RHBDF2: variants seen among roughly 807,000 people sequenced by gnomAD.
RHBDF2 encodes rhomboid 5 homolog 2.
Under a neutral mutation model 95.2 loss-of-function variants are expected in RHBDF2, and 38 were observed. The ratio of observed to expected loss-of-function variants is 0.40; its 90% confidence interval spans 0.31 to 0.52. The LOEUF is 0.52. Ranked by LOEUF, RHBDF2 falls within the 20% of genes least tolerant of loss-of-function variation. The pLI is 0.56. For synonymous variants in RHBDF2, 442 were observed against 462.0 expected (o/e 0.96, Z 0.55); for missense variants, 863 against 1,137.7 (o/e 0.76, Z 3.47).
intron 11 of RHBDF2, 63 bp from the exon 12 acceptor site, chr17:76,474,597 AC>A (rs1301804354): frequency 1.2e-6 from 2 of 1,609,116 alleles, no homozygotes; most frequent in Non-Finnish European, 1.7e-6. Flanking sequence ...GGGGTCCATC[AC>A]TCCACCTCTG....
intron 3 of RHBDF2, 132 bp from the exon 4 acceptor site, chr17:76,479,986 A>T: frequency 8.8e-7 from 1 of 1,138,066 alleles, no homozygotes; most frequent in South Asian, 1.6e-5. Flanking sequence ...ATTTGCTTTC[A>T]TTTGGAAATA....
intron 2 of RHBDF2, among the ~76,000 whole-genome samples, chr17:76,486,394 T>C (rs8068336): frequency 0.94 from 142,513 of 152,092 alleles, 67,506 homozygotes; most frequent in East Asian, 1. Flanking sequence ...TGTGAGCCAC[T>C]GTGCCCAGCC....
chr17:76,477,378 A>T, intron 7 of RHBDF2, 80 bp from the exon 8 acceptor site: 1 of 1,468,120 alleles, frequency 6.8e-7, no homozygotes, highest in Non-Finnish European at 9.2e-7. Context: ...CAAGGGCAGG[A>T]CACAGCTGAA....
At chr17:76,498,789 A>AGTGTGTGTGTGTGT (rs60130089) in intron 1 of RHBDF2, among the ~76,000 whole-genome samples, 8,097 of 143,608 alleles carry the variant, frequency 0.056, 286 homozygotes, top group East Asian at 0.077. Context: ...AGAGAAAGAG[A>AGTGTGTGTGTGTGT]GTGTGTGTGT....
chr17:76,498,712 A>T (rs2074492505), intron 1 of RHBDF2, among the ~76,000 whole-genome samples: 1 of 152,058 alleles, frequency 6.6e-6, no homozygotes, highest in East Asian at 1.9e-4. Context: ...CAAGTGCGTC[A>T]CCCAAAGCAT....
chr17:76,495,239 G>C (rs2074403832), intron 1 of RHBDF2, among the ~76,000 whole-genome samples: 1 of 152,248 alleles, frequency 6.6e-6, no homozygotes. Context: ...CTGTGTGAGA[G>C]GTCCGTTTCA....
At position 76,471,356 on chromosome 17, in the gene RHBDF2, T is replaced by G; in HGVS notation, c.*277A>C. ...GATGGTCTCAGCAAGGAGCGGGATA[T>G]TAGGAACTGAGACCCAAGACTCAGA... On this transcript the variant is annotated 3_prime_UTR_variant, in exon 19 of 19. Coordinates refer to ENST00000675367, the MANE Select transcript of RHBDF2 (RefSeq NM_001005498.4). 2.2e-6 allele frequency: 1 copy of G among 455,772 alleles called. No homozygotes were observed. Among genetic ancestry groups the G allele is most frequent in the African/African-American group, 1.9e-5 (1 of 51,420 alleles). 28.2% of individuals were successfully genotyped at this position (455,772 alleles called of 1,614,324 possible).
chr17:76,490,187 T>C (rs527236271), intron 1 of RHBDF2, among the ~76,000 whole-genome samples: 21 of 152,318 alleles, frequency 1.4e-4, no homozygotes, highest in African/African-American at 3.8e-4. Flanking sequence ...AGGAGAAATC[T>C]TGAGGCGGAG....
At chr17:76,475,360 C>T (rs1452141841) in intron 9 of RHBDF2, among the ~76,000 whole-genome samples, 1 of 152,198 alleles carries the variant, frequency 6.6e-6, no homozygotes. Flanking sequence ...GGGACAAATT[C>T]CAGAATCACC....
rs1158918577 is a variant in RHBDF2, at chr17:76,481,504, A to G, written c.21T>C (p.Asn7=). The G allele has an allele frequency of 1.2e-6, 2 of 1,610,592 alleles. No homozygotes were observed. The highest frequency in any genetic ancestry group is 3.3e-5 in the Admixed American group (2 of 59,974). MASADK[N]GGSVSSVSSS... ...TGGACACAGAGGACACGCTCCCGCC[A>G]TTCTTGTCAGCAGAGGCCATTGTGG... The change falls in exon 3 of 19, where the codon AAT becomes AAC. Residue 7 remains asparagine (N), a synonymous_variant. Coordinates refer to ENST00000675367, the MANE Select transcript of RHBDF2 (RefSeq NM_001005498.4).
intron 9 of RHBDF2, 70 bp downstream of exon 9, chr17:76,476,760 C>A (rs987026888): frequency 1.3e-5 from 19 of 1,483,012 alleles, no homozygotes; most frequent in African/African-American, 5.6e-5. Flanking sequence ...AGTAAGGGGG[C>A]GCTTCAGGAG....
At chr17:76,472,560 C>T in intron 18 of RHBDF2, 126 bp downstream of exon 18, 1 of 1,237,772 alleles carries the variant, frequency 8.1e-7, no homozygotes, top group Non-Finnish European at 1.2e-6. Context: ...GATTAGCTGT[C>T]CCTCCGCTGT....
intron 13 of RHBDF2, 34 bp from the exon 14 acceptor site, chr17:76,473,936 C>T (rs1411071660): frequency 6.2e-7 from 1 of 1,612,168 alleles, no homozygotes; most frequent in Non-Finnish European, 8.5e-7. Flanking sequence ...CTGTGGCACA[C>T]CCAGCGTGCC....
chr17:76,477,404 C>T lies in RHBDF2; in HGVS notation c.802-106G>A, dbSNP rs991868340. ...CACAGCTGAACAGACGGGCTCTTCA[C>T]AATGAATTGGGAAGCCACATGCCCG... is the stretch of plus-strand genomic sequence containing the variant. On this transcript the variant is annotated intron_variant, in intron 7 of 18. Coordinates refer to ENST00000675367, the MANE Select transcript of RHBDF2 (RefSeq NM_001005498.4). The T allele has an allele frequency of 1.3e-5, 18 of 1,387,556 alleles. No individual in the cohort carries two copies. The African/African-American group carries it at 2.1e-4, about 17-fold the overall frequency. The allele number at this position is 1,387,556 out of a possible 1,614,324, so 86.0% of individuals were successfully genotyped here. A position where few individuals can be genotyped will look rare whatever the true frequency, so the allele number is the denominator to read the frequency against.
chr17:76,479,580 CATG>C (rs2073884966), intron 4 of RHBDF2, 150 bp downstream of exon 4: 1 of 728,078 alleles, frequency 1.4e-6, no homozygotes, highest in Non-Finnish European at 2.4e-6. Flanking sequence ...CCATCTATAC[CATG>C]ATAATAGGCC....
chr17:76,498,789 A>AGTGTGTGTGTGTGTGT lies in RHBDF2; in HGVS notation c.-220+2548_-220+2563dup, dbSNP rs60130089. Among the ~76,000 whole-genome samples, 1,240 of 143,750 alleles carry AGTGTGTGTGTGTGTGT rather than the reference A, an allele frequency of 8.6e-3. 7 individuals carry two copies. Among genetic ancestry groups the AGTGTGTGTGTGTGTGT allele is most frequent in the East Asian group, 0.03 (139 of 4,606 alleles). 94.3% of individuals were successfully genotyped at this position (143,750 alleles called of 152,430 possible). Reference sequence around the variant, plus strand: ...CCCCTCCTGGGCTGGAGAGAAAGAGAGTGTGTGTGTGTGTGTGTGTGTGTG... The same window carrying AGTGTGTGTGTGTGTGT: ...CCCCTCCTGGGCTGGAGAGAAAGAGAGTGTGTGTGTGTGTGTGTGTGTGTGTGTGTGTGTGTGTGTG... On this transcript the variant is annotated intron_variant, in intron 1 of 18. Coordinates refer to ENST00000675367, the MANE Select transcript of RHBDF2 (RefSeq NM_001005498.4).
intron 1 of RHBDF2, among the ~76,000 whole-genome samples, chr17:76,498,407 C>G (rs2074483237): frequency 6.6e-6 from 1 of 152,240 alleles, no homozygotes; most frequent in South Asian, 2.1e-4. Context: ...GCACAGAGAT[C>G]TGAGGAGAGT....
rs1230869064 is a variant in RHBDF2, at chr17:76,479,253, G to A, written c.297C>T (p.Val99=). The A allele has an allele frequency of 6.9e-6, 11 of 1,604,998 alleles. No individual in the cohort carries two copies. Among genetic ancestry groups the A allele is most frequent in the Non-Finnish European group, 9.3e-6 (11 of 1,178,934 alleles). ...IRKGAAQWFG[V]SGDWEGQRQQ... is the part of the protein sequence containing the mutation. Reference sequence around the variant, plus strand: ...GCCGCTGCCCCTCCCAGTCGCCGCTGACTCCAAACCACTGGGCTGCGCCCC... The same window carrying A: ...GCCGCTGCCCCTCCCAGTCGCCGCTAACTCCAAACCACTGGGCTGCGCCCC... Residue 99 remains valine, a synonymous_variant, in exon 5 of 19, where the codon GTC becomes GTT. Transcript: ENST00000675367.
intron 1 of RHBDF2, among the ~76,000 whole-genome samples, chr17:76,492,836 G>A (rs2144403576): frequency 6.6e-6 from 1 of 152,330 alleles, no homozygotes; most frequent in African/African-American, 2.4e-5. Context: ...GCCTGCGTGT[G>A]GCCAGAAATG....
Sources: allele counts gnomAD v4.1 joint callset (sites outside exome capture counted in the v4.1 genomes callset), GRCh38; gene constraint gnomAD v4.1.1; transcripts MANE v1.5; gene names NCBI Gene and HGNC (gene_info 2026-07-23, HGNC 2026-07-21).